PREX1: variants seen among roughly 807,000 people sequenced by gnomAD.
PREX1 encodes the protein phosphatidylinositol-3,4,5-trisphosphate dependent Rac exchange factor 1.
In PREX1, 41 loss-of-function variants were observed where a neutral mutation model predicts 198.3. The ratio of observed to expected loss-of-function variants is 0.21; its 90% CI spans 0.16 to 0.27. PREX1 has a LOEUF of 0.27. Among genes scored for constraint, PREX1 ranks in the 10% least tolerant of loss-of-function variants. PREX1 has a pLI of 1.00. For synonymous variants in PREX1, 843 were observed against 887.2 expected (o/e 0.95, Z 0.89); for missense variants, 1,620 against 2,200.7 (o/e 0.74, Z 5.28).
chr20:48,834,652 C>T, the PREX1 span, among the ~76,000 whole-genome samples: 13 of 152,236 alleles, frequency 8.5e-5, no homozygotes, highest in South Asian at 2.3e-3. Context: ...CTCAACCTTC[C>T]AGGCTCAAAC....
intron 5 of PREX1, among the ~76,000 whole-genome samples, chr20:48,712,035 C>A (rs1407507025): frequency 2.0e-5 from 3 of 152,198 alleles, no homozygotes; most frequent in Non-Finnish European, 4.4e-5. Context: ...GTTGTTTAAG[C>A]CACTCTTGTT....
intron 14 of PREX1, among the ~76,000 whole-genome samples, chr20:48,675,368 C>T (rs1386404261): frequency 6.6e-6 from 1 of 152,196 alleles, no homozygotes; most frequent in Non-Finnish European, 1.5e-5. Flanking sequence ...TTATAAATTA[C>T]CCAGTCTCAG....
chr20:48,720,487 C>A (rs899684423), intron 5 of PREX1, among the ~76,000 whole-genome samples: 6 of 151,878 alleles, frequency 4.0e-5, no homozygotes, highest in African/African-American at 1.2e-4. Context: ...CTAAACACTG[C>A]AGCACCAACC....
chr20:48,811,679 TAC>T (rs145621364), intron 1 of PREX1, among the ~76,000 whole-genome samples: 28 of 99,034 alleles, frequency 2.8e-4, no homozygotes, highest in Middle Eastern at 6.9e-3. Context: ...CAGACCTGGA[TAC>T]ACACACACAC....
At chr20:48,842,849 T>C in the PREX1 span, among the ~76,000 whole-genome samples, 2 of 152,016 alleles carry the variant, frequency 1.3e-5, no homozygotes, top group African/African-American at 2.4e-5. Flanking sequence ...ATGATAATCA[T>C]AATAACAGAA....
At chr20:48,713,808 T>C (rs534744812) in intron 5 of PREX1, among the ~76,000 whole-genome samples, 3 of 144,646 alleles carry the variant, frequency 2.1e-5, no homozygotes, top group East Asian at 4.0e-4. Flanking sequence ...ATGGCACATG[T>C]AGACATATGT....
At chr20:48,658,114 C>T in intron 17 of PREX1, 22 bp downstream of exon 17, 1 of 1,607,278 alleles carries the variant, frequency 6.2e-7, no homozygotes, top group Non-Finnish European at 8.5e-7. Context: ...ACGGTCCCTG[C>T]CAGCTCCCCC....
the PREX1 span, among the ~76,000 whole-genome samples, chr20:48,861,326 T>A: frequency 1.1e-4 from 17 of 152,360 alleles, no homozygotes; most frequent in South Asian, 1.0e-3. Context: ...GAGGCTGGAC[T>A]TCGCAAGTTG....
intron 1 of PREX1, among the ~76,000 whole-genome samples, chr20:48,762,325 T>A (rs1184934006): frequency 6.6e-6 from 1 of 152,132 alleles, no homozygotes; most frequent in African/African-American, 2.4e-5. Flanking sequence ...GATTCTCAAC[T>A]TTGGTACCTT....
chr20:48,716,935 G>A (rs1285605449), intron 5 of PREX1, among the ~76,000 whole-genome samples: 1 of 152,218 alleles, frequency 6.6e-6, no homozygotes, highest in Admixed American at 6.5e-5. Flanking sequence ...GACAGACGGA[G>A]TCAGGATAGT....
rs1226430394 is a variant in PREX1, at chr20:48,679,685, T to C, written c.1505A>G (p.Lys502Arg). The C allele has an allele frequency of 6.2e-7, 1 of 1,613,614 alleles. No homozygotes were observed. The highest frequency in any genetic ancestry group is 1.1e-5 in the South Asian group (1 of 91,060). Residue 502 changes from lysine to arginine, a missense_variant, in exon 12 of 40, where the codon AAG becomes AGG. Coordinates refer to ENST00000371941, the MANE Select transcript of PREX1 (RefSeq NM_020820.4). ...YRFRYDDGTY[K>R]ARSELEDIMS... Reference sequence around the variant, plus strand: ...GATGTCCTCCAGCTCACTTCGGGCCTTGTAGGTGCCATCGTCGTAGCGGAA... The same window carrying C: ...GATGTCCTCCAGCTCACTTCGGGCCCTGTAGGTGCCATCGTCGTAGCGGAA...
chr20:48,676,154 A>G (rs1388047555), intron 14 of PREX1, 39 bp downstream of exon 14: 12 of 1,583,362 alleles, frequency 7.6e-6, no homozygotes, highest in East Asian at 2.2e-5. Flanking sequence ...TGACGGACAA[A>G]GCAGAACACT....
rs1480880406 is a variant in PREX1, at chr20:48,747,716, C to G, written c.291+93G>C. On this transcript the variant is annotated intron_variant, in intron 2 of 39. Transcript: ENST00000371941. ...GCAGCCAGCGGGTGATGCGCCTCCC[C>G]CTGCATGCACACCCTCTGAGCATCG... 4.4e-6 allele frequency: 6 copies of G among 1,376,508 alleles called. No individual in the cohort carries two copies. The Admixed American group carries it at 7.8e-5, about 18-fold the overall frequency. 85.3% of individuals were successfully genotyped at this position (1,376,508 alleles called of 1,614,324 possible).
chr20:48,688,676 G>A lies in PREX1; in HGVS notation c.1315C>T (p.Pro439Ser). The A allele has an allele frequency of 6.2e-7, 1 of 1,614,124 alleles. No homozygotes were observed. The highest frequency in any genetic ancestry group is 8.5e-7 in the Non-Finnish European group (1 of 1,179,984). Residue 439 changes from proline to serine, a missense_variant, in exon 10 of 40, where the codon CCC becomes TCC. This residue lies in a region of PREX1 where 488 missense variants were observed against 802.5 expected (regional missense o/e 0.61). Transcript: ENST00000371941. ...KDRRRKLSTV[P>S]KCFLGNEFVA... ...ACTCACTTGCCAAGAAAGCACTTGGGGACAGTGCTCAGCTTTCTCCGGCGG... is the reference window on the plus strand; with the variant it reads ...ACTCACTTGCCAAGAAAGCACTTGGAGACAGTGCTCAGCTTTCTCCGGCGG...
the PREX1 span, among the ~76,000 whole-genome samples, chr20:48,882,547 A>G: frequency 1.5e-3 from 214 of 141,518 alleles, 1 homozygote; most frequent in Non-Finnish European, 2.7e-3. Context: ...TCATGTTTCT[A>G]TGAAGTTTCT....
chr20:48,638,074 G>A (rs564636652), intron 30 of PREX1, among the ~76,000 whole-genome samples: 5 of 152,040 alleles, frequency 3.3e-5, no homozygotes, highest in South Asian at 2.1e-4. Flanking sequence ...TCACACACAC[G>A]TACAACCTAG....
intron 6 of PREX1, among the ~76,000 whole-genome samples, chr20:48,706,645 G>A (rs1415673823): frequency 6.6e-6 from 1 of 152,194 alleles, no homozygotes; most frequent in Non-Finnish European, 1.5e-5. Flanking sequence ...ATGGAAGCAT[G>A]AGAGAAAGAA....
chr20:48,795,341 C>G (rs992653245), intron 1 of PREX1, among the ~76,000 whole-genome samples: 1 of 152,166 alleles, frequency 6.6e-6, no homozygotes, highest in Non-Finnish European at 1.5e-5. Flanking sequence ...CAGAGAGGCT[C>G]AAAGAAGGAT....
chr20:48,779,543 A>G (rs2090278969), intron 1 of PREX1, among the ~76,000 whole-genome samples: 1 of 152,242 alleles, frequency 6.6e-6, no homozygotes, highest in Non-Finnish European at 1.5e-5. Context: ...TCACACAAAA[A>G]GCTATACATA....
Sources: gnomAD v4.1 joint callset for allele counts (sites outside exome capture counted in the v4.1 genomes callset) on GRCh38, gnomAD v4.1.1 for gene constraint, gnomAD v4.1.1 regional missense constraint, MANE v1.5 for transcripts, NCBI Gene and HGNC (gene_info 2026-07-23, HGNC 2026-07-21) for gene names.